Variants in RGS10 observed in about 807,000 individuals in gnomAD.
RGS10 encodes regulator of G protein signaling 10, also known as regulator of G-protein signalling 10.
A neutral mutation model predicts 23.5 loss-of-function variants in RGS10; 11 were observed. That is an observed-to-expected ratio of 0.47 (90% CI 0.29 to 0.77). RGS10 has a LOEUF of 0.77. RGS10 is among the 30% of genes least tolerant of loss of function. RGS10 has a pLI of 0.08. For synonymous variants in RGS10, 77 were observed against 83.2 expected (o/e 0.92, Z 0.41); for missense variants, 180 against 226.3 (o/e 0.80, Z 1.31).
intron 3 of RGS10, among the ~76,000 whole-genome samples, chr10:119,522,329 G>A (rs554128509): frequency 6.6e-6 from 1 of 152,340 alleles, no homozygotes; most frequent in South Asian, 2.1e-4. Context: ...AGCCTTAGTT[G>A]ATGGAGAGAG....
intron 3 of RGS10, 63 bp from the exon 4 acceptor site, chr10:119,515,715 C>T: frequency 2.5e-6 from 4 of 1,592,102 alleles, no homozygotes; most frequent in Non-Finnish European, 3.4e-6. Context: ...CTGAGCCCTG[C>T]TCTCCCCTCC....
chr10:119,503,708 C>T (rs935785687), intron 4 of RGS10, among the ~76,000 whole-genome samples: 3 of 152,170 alleles, frequency 2.0e-5, no homozygotes, highest in African/African-American at 4.8e-5. Flanking sequence ...AAGGTGCCAT[C>T]AGGGTTGGTT....
At position 119,517,235 on chromosome 10, in the gene RGS10, G is replaced by A. The variant is rs1490829468; in HGVS notation, c.256-1583C>T. 6.6e-6 allele frequency among the ~76,000 whole-genome samples: 1 copy of A among 152,268 alleles called. No homozygotes were observed. Among genetic ancestry groups the A allele is most frequent in the Non-Finnish European group, 1.5e-5 (1 of 68,044 alleles). On this transcript the variant is annotated intron_variant, in intron 3 of 4. Coordinates refer to ENST00000369103, the MANE Select transcript of RGS10 (RefSeq NM_001005339.2). This position sits in a 1 kb window ranked among gnomAD's most constrained non-coding sequence, Gnocchi z 5.0. ...AGAAGCCACGGCCTGGCCATGTCCT[G>A]TTCTGCGAGAAAGCAAGCCTCACCA...
chr10:119,514,710 T>G (rs576861960), intron 4 of RGS10, among the ~76,000 whole-genome samples: 44 of 149,110 alleles, frequency 3.0e-4, no homozygotes, highest in Middle Eastern at 3.5e-3. Flanking sequence ...GAAATGGTAG[T>G]TAGTGTTGTC....
intron 3 of RGS10, among the ~76,000 whole-genome samples, chr10:119,522,274 T>C (rs2133954297): frequency 6.6e-6 from 1 of 152,284 alleles, no homozygotes. Context: ...ACAGGTCCTA[T>C]TAAAACAACA....
At chr10:119,518,897 G>A (rs760294465) in intron 3 of RGS10, among the ~76,000 whole-genome samples, 1 of 152,092 alleles carries the variant, frequency 6.6e-6, no homozygotes, top group Non-Finnish European at 1.5e-5. Context: ...GTAGAGACGG[G>A]GTTTCACCAT....
chr10:119,521,600 GGAAA>G (rs1332894537), intron 3 of RGS10, among the ~76,000 whole-genome samples: 13 of 111,538 alleles, frequency 1.2e-4, no homozygotes, highest in East Asian at 1.0e-3. Context: ...AAGGAAGGAA[GGAAA>G]GAAAGAAAGG....
rs147923512 is a variant in RGS10, at chr10:119,521,509, G to A, written c.255+4523C>T. Among the ~76,000 whole-genome samples the A allele has an allele frequency of 5.5e-3, 831 of 151,360 alleles. 5 individuals are homozygous for A. The highest frequency in any genetic ancestry group is 0.019 in the African/African-American group (784 of 41,172). On this transcript the variant is annotated intron_variant, in intron 3 of 4. Transcript: ENST00000369103. ...CGCTTGAACCTGGAAGACAGAGGTT[G>A]CAGTGAGCCGAGATCATGCCATTGC... is the stretch of plus-strand genomic sequence containing the variant.
At position 119,527,268 on chromosome 10, in the gene RGS10, C is replaced by T. The variant is rs1844285654; in HGVS notation, c.168+38G>A. Reference sequence around the variant, plus strand: ...CTGTGTGCATCTGAACTTCTGCACACACTGCATCCATCCCGATTAACAATG... The same window carrying T: ...CTGTGTGCATCTGAACTTCTGCACATACTGCATCCATCCCGATTAACAATG... On this transcript the variant is annotated intron_variant, in intron 2 of 4. Coordinates refer to ENST00000369103, the MANE Select transcript of RGS10 (RefSeq NM_001005339.2). The surrounding 1 kb of genome is among the most constrained non-coding windows in gnomAD (Gnocchi z 4.2). The T allele has an allele frequency of 6.8e-7, 1 of 1,468,678 alleles. No homozygotes were observed. The highest frequency in any genetic ancestry group is 1.7e-5 in the Admixed American group (1 of 59,088). The allele number at this position is 1,468,678 out of a possible 1,614,324, so 91.0% of individuals were successfully genotyped here.
intron 1 of RGS10, among the ~76,000 whole-genome samples, chr10:119,541,542 C>G (rs1844434943): frequency 6.6e-6 from 1 of 152,118 alleles, no homozygotes; most frequent in South Asian, 2.1e-4. Flanking sequence ...AGGTGAGATT[C>G]GGATCCAGCC....
At chr10:119,515,103 T>G (rs563719630) in intron 4 of RGS10, among the ~76,000 whole-genome samples, 13 of 152,250 alleles carry the variant, frequency 8.5e-5, no homozygotes, top group African/African-American at 2.9e-4. Context: ...TGTGGAGGTG[T>G]CTGGATATTT....
intron 4 of RGS10, among the ~76,000 whole-genome samples, chr10:119,514,800 T>C (rs1018642525): frequency 6.6e-6 from 1 of 152,202 alleles, no homozygotes; most frequent in Non-Finnish European, 1.5e-5. Flanking sequence ...TAGGGAGCTC[T>C]GACAAGATTC....
At chr10:119,507,579 C>CTTTT (rs35699150) in intron 4 of RGS10, among the ~76,000 whole-genome samples, 3 of 64,390 alleles carry the variant, frequency 4.7e-5, no homozygotes, top group African/African-American at 6.7e-5. Flanking sequence ...TCACCCAAGG[C>CTTTT]TTTTTTTTTT....
At chr10:119,528,758 C>T (rs894519848) in intron 1 of RGS10, among the ~76,000 whole-genome samples, 4 of 151,898 alleles carry the variant, frequency 2.6e-5, no homozygotes, top group African/African-American at 9.7e-5. Context: ...CGCTTGAACC[C>T]AGGAAGCGGA....
chr10:119,510,553 G>A (rs954256526), intron 4 of RGS10, among the ~76,000 whole-genome samples: 1 of 152,122 alleles, frequency 6.6e-6, no homozygotes, highest in Admixed American at 6.5e-5. Context: ...CCCTCCGTGT[G>A]GGGGCAGATG....
chr10:119,520,481 GTC>G (rs1844199739), intron 3 of RGS10, among the ~76,000 whole-genome samples: 1 of 152,180 alleles, frequency 6.6e-6, no homozygotes, highest in Admixed American at 6.5e-5. Flanking sequence ...AACTTGAGCA[GTC>G]AGGTGGCTCC....
At chr10:119,513,154 C>T (rs967087670) in intron 4 of RGS10, among the ~76,000 whole-genome samples, 1 of 152,186 alleles carries the variant, frequency 6.6e-6, no homozygotes, top group African/African-American at 2.4e-5. Flanking sequence ...TGGATAAAAA[C>T]TATTTTAAAA....
chr10:119,520,649 A>C lies in RGS10; in HGVS notation c.256-4997T>G, dbSNP rs564344503. Among the ~76,000 whole-genome samples the C allele has an allele frequency of 1.5e-4, 23 of 152,326 alleles. 1 individual carries two copies. Among genetic ancestry groups the C allele is most frequent in the South Asian group, 6.2e-4 (3 of 4,826 alleles). On this transcript the variant is annotated intron_variant, in intron 3 of 4. Coordinates refer to ENST00000369103, the MANE Select transcript of RGS10 (RefSeq NM_001005339.2). ...CCAAATATAGACCCCCCGCGCCAGC[A>C]AAATTCTCCTGACACAGTTAATTAG...
rs956639800 is a variant in RGS10, at chr10:119,527,116, C to T, written c.168+190G>A. 1.1e-4 allele frequency among the ~76,000 whole-genome samples: 16 copies of T among 152,128 alleles called. No homozygotes were observed. Among genetic ancestry groups the T allele is most frequent in the African/African-American group, 3.9e-4 (16 of 41,430 alleles). ...GAAACAGGCTACCCATCTGTGACAGCGTTGCCAACACAGTCATGACAGATG... is the reference window on the plus strand; with the variant it reads ...GAAACAGGCTACCCATCTGTGACAGTGTTGCCAACACAGTCATGACAGATG... On this transcript the variant is annotated intron_variant, in intron 2 of 4. Transcript: ENST00000369103. The surrounding 1 kb of genome is among the most constrained non-coding windows in gnomAD (Gnocchi z 4.2).
Sources: gnomAD v4.1 joint callset for allele counts (sites outside exome capture counted in the v4.1 genomes callset) on GRCh38, gnomAD v4.1.1 for gene constraint, Gnocchi (gnomAD v3.1) non-coding constraint, MANE v1.5 for transcripts, NCBI Gene and HGNC (gene_info 2026-07-23, HGNC 2026-07-21) for gene names.